The following QTGAL variants were observed in gnomAD, a reference collection of about 807,000 sequenced individuals.
QTGAL encodes BGnT-like protein 1.
chr17:83,041,702 T>C, the QTGAL span, among the ~76,000 whole-genome samples: 3 of 152,348 alleles, frequency 2.0e-5, no homozygotes, highest in South Asian at 6.2e-4. Flanking sequence ...TCATGGCCAC[T>C]GCCTGGTATC....
At chr17:82,960,882 A>G in the QTGAL span, among the ~76,000 whole-genome samples, 1 of 152,204 alleles carries the variant, frequency 6.6e-6, no homozygotes, top group Non-Finnish European at 1.5e-5. Context: ...GTGGACGCCG[A>G]ATCCCCGCCA....
At chr17:83,048,776 G>A in the QTGAL span, 55 of 1,612,604 alleles carry the variant, frequency 3.4e-5, no homozygotes, top group Non-Finnish European at 4.3e-5. Context: ...TGGACTGGGA[G>A]GATAATAGAC....
the QTGAL span, among the ~76,000 whole-genome samples, chr17:83,011,678 T>C: frequency 6.6e-6 from 1 of 152,244 alleles, no homozygotes; most frequent in Non-Finnish European, 1.5e-5. Context: ...AACCGCGCCA[T>C]TGGGAAAAGA....
the QTGAL span, among the ~76,000 whole-genome samples, chr17:82,959,474 G>A: frequency 6.6e-6 from 1 of 152,058 alleles, no homozygotes; most frequent in Non-Finnish European, 1.5e-5. Flanking sequence ...GTGTGTGTGT[G>A]TGTGTGAGAA....
the QTGAL span, chr17:82,956,646 A>C: frequency 6.7e-7 from 1 of 1,493,210 alleles, no homozygotes. The surrounding 1 kb of genome is among the most constrained non-coding windows in gnomAD (Gnocchi z 5.7). Flanking sequence ...TCCAGGTGGC[A>C]GAGCCCGGGA....
At chr17:82,975,845 C>T in the QTGAL span, among the ~76,000 whole-genome samples, 7 of 71,850 alleles carry the variant, frequency 9.7e-5, no homozygotes, top group Admixed American at 2.3e-4. Context: ...AACAGGGCCC[C>T]AGGACAGAGC....
At chr17:82,983,878 G>A in the QTGAL span, among the ~76,000 whole-genome samples, 3 of 152,250 alleles carry the variant, frequency 2.0e-5, no homozygotes, top group African/African-American at 7.2e-5. Context: ...GGTTACGTGA[G>A]TCCCAAAGGT....
chr17:82,965,128 G>A, the QTGAL span, among the ~76,000 whole-genome samples: 3 of 141,378 alleles, frequency 2.1e-5, no homozygotes, highest in African/African-American at 6.0e-5. Context: ...TGGGGAGGAC[G>A]GGGACACAGA....
At chr17:82,959,764 C>T in the QTGAL span, among the ~76,000 whole-genome samples, 2,004 of 152,144 alleles carry the variant, frequency 0.013, 94 homozygotes, top group East Asian at 0.15. Flanking sequence ...GCCTCCTCGA[C>T]GGCCCCTTGT....
chr17:83,004,771 C>T, the QTGAL span, among the ~76,000 whole-genome samples: 3 of 151,774 alleles, frequency 2.0e-5, no homozygotes, highest in Admixed American at 6.6e-5. Flanking sequence ...CCGCAGTCCG[C>T]GTGTGGGATT....
chr17:83,049,555 G>A, the QTGAL span, among the ~76,000 whole-genome samples: 1 of 151,556 alleles, frequency 6.6e-6, no homozygotes, highest in African/African-American at 2.4e-5. Flanking sequence ...TGGGATTACA[G>A]GTGCTGGCTG....
the QTGAL span, among the ~76,000 whole-genome samples, chr17:83,030,281 C>CAAA: frequency 6.6e-6 from 1 of 152,176 alleles, no homozygotes; most frequent in Non-Finnish European, 1.5e-5. Flanking sequence ...ATGTTAGAAA[C>CAAA]AAAAGCCTGG....
chr17:82,971,037 G>A, the QTGAL span, among the ~76,000 whole-genome samples: 4 of 152,110 alleles, frequency 2.6e-5, no homozygotes, highest in South Asian at 2.1e-4. Flanking sequence ...GCGTTCCTGC[G>A]AGGGCTCACT....
chr17:83,045,746 A>G, the QTGAL span, among the ~76,000 whole-genome samples: 1 of 152,246 alleles, frequency 6.6e-6, no homozygotes, highest in African/African-American at 2.4e-5. Context: ...GAAAACACAT[A>G]CAGCTCAATT....
the QTGAL span, among the ~76,000 whole-genome samples, chr17:82,960,098 T>G: frequency 6.6e-6 from 1 of 152,258 alleles, no homozygotes; most frequent in East Asian, 1.9e-4. Flanking sequence ...GCGGCCAAGG[T>G]GCCGGTGGGC....
chr17:82,956,801 G>A, the QTGAL span: 8 of 1,556,972 alleles, frequency 5.1e-6, no homozygotes, highest in African/African-American at 2.7e-5. This position sits in a 1 kb window ranked among gnomAD's most constrained non-coding sequence, Gnocchi z 5.7. Context: ...AGTCCTGCCC[G>A]AGCCTGGAGC....
At chr17:83,012,681 C>T in the QTGAL span, among the ~76,000 whole-genome samples, 25 of 152,272 alleles carry the variant, frequency 1.6e-4, no homozygotes, top group Admixed American at 9.8e-4. Context: ...CCTCCATGTG[C>T]GATATCTCAC....
chr17:83,017,086 T>C, the QTGAL span, among the ~76,000 whole-genome samples: 1 of 152,036 alleles, frequency 6.6e-6, no homozygotes, highest in South Asian at 2.1e-4. Context: ...TTAAGTGAAA[T>C]ATCCAGACAC....
the QTGAL span, among the ~76,000 whole-genome samples, chr17:83,051,095 C>T: frequency 4.9e-5 from 6 of 123,324 alleles, no homozygotes; most frequent in East Asian, 1.5e-3. Context: ...GGCAGGTGCG[C>T]GCGGCAGGTG....
Sources: gnomAD v4.1 joint callset for allele counts (sites outside exome capture counted in the v4.1 genomes callset) on GRCh38, gnomAD v4.1.1 for gene constraint, Gnocchi (gnomAD v3.1) non-coding constraint, MANE v1.5 for transcripts, NCBI Gene and HGNC (gene_info 2026-07-23, HGNC 2026-07-21) for gene names.